CRYBG1: variants seen among roughly 807,000 people sequenced by gnomAD.
CRYBG1 encodes the protein beta/gamma crystallin domain-containing protein 1.
Under a neutral mutation model 189.2 loss-of-function variants are expected in CRYBG1, and 139 were observed. The observed-to-expected ratio is 0.73, with a 90% confidence interval of 0.64 to 0.85. The LOEUF is 0.85. Among genes scored for constraint, CRYBG1 ranks in the 40% least tolerant of loss-of-function variants. CRYBG1 has a pLI of 0.00. For missense variants in CRYBG1, 2,611 were observed against 2,675.8 expected (o/e 0.98, Z 0.53); for synonymous variants, 1,023 against 1,017.1 (o/e 1.01, Z -0.11).
chr6:106,451,661 G>A (rs530307268), intron 1 of CRYBG1, 33 bp from the exon 2 acceptor site: 1 of 1,517,872 alleles, frequency 6.6e-7, no homozygotes, highest in South Asian at 1.2e-5. Flanking sequence ...TGTTCATAGT[G>A]TATTGACATG....
chr6:106,404,364 G>A (rs910689), intron 1 of CRYBG1, among the ~76,000 whole-genome samples: 7,489 of 152,228 alleles, frequency 0.049, 631 homozygotes, highest in African/African-American at 0.17. Flanking sequence ...AAACATTTCT[G>A]TGCTGGAATT....
At chr6:106,566,464 C>CTTTTTTTTTTTTTTTTTTTTT (rs34773477) in intron 21 of CRYBG1, among the ~76,000 whole-genome samples, 1 of 71,670 alleles carries the variant, frequency 1.4e-5, no homozygotes, top group Non-Finnish European at 2.3e-5. Flanking sequence ...CAACAACAGT[C>CTTTTTTTTTTTTTTTTTTTTT]TTTTTTTTTT....
chr6:106,441,862 G>T (rs969959811), intron 1 of CRYBG1, among the ~76,000 whole-genome samples: 1 of 152,032 alleles, frequency 6.6e-6, no homozygotes, highest in South Asian at 2.1e-4. Flanking sequence ...ACCTCCATAA[G>T]AATTATTTTG....
At chr6:106,438,242 T>C (rs1312828841) in intron 1 of CRYBG1, among the ~76,000 whole-genome samples, 1 of 152,228 alleles carries the variant, frequency 6.6e-6, no homozygotes, top group African/African-American at 2.4e-5. Context: ...ATGCCAGAAA[T>C]ACCTGTTATT....
intron 2 of CRYBG1, among the ~76,000 whole-genome samples, chr6:106,458,267 A>G (rs79180343): frequency 0.011 from 1,617 of 152,324 alleles, 27 homozygotes; most frequent in African/African-American, 0.037. Context: ...TGTTGTTTCC[A>G]AGTTACCTTA....
intron 21 of CRYBG1, among the ~76,000 whole-genome samples, chr6:106,564,370 T>G (rs1416311643): frequency 6.6e-6 from 1 of 152,242 alleles, no homozygotes; most frequent in Non-Finnish European, 1.5e-5. Flanking sequence ...ATGATTCTCA[T>G]GTATACACGT....
intron 21 of CRYBG1, among the ~76,000 whole-genome samples, chr6:106,565,935 A>G (rs544822946): frequency 2.0e-5 from 3 of 152,354 alleles, no homozygotes; most frequent in African/African-American, 7.2e-5. Context: ...ATGTGACTCA[A>G]TTGGAAAAAA....
At chr6:106,555,331 T>G (rs1362312805) in intron 16 of CRYBG1, among the ~76,000 whole-genome samples, 1 of 151,892 alleles carries the variant, frequency 6.6e-6, no homozygotes, top group Non-Finnish European at 1.5e-5. Context: ...GCAGAGGTAT[T>G]AGAAATGAGG....
intron 1 of CRYBG1, among the ~76,000 whole-genome samples, chr6:106,362,215 C>T (rs544654573): frequency 5.9e-4 from 89 of 151,894 alleles, no homozygotes; most frequent in African/African-American, 2.1e-3. Flanking sequence ...ATGATCCGCC[C>T]GCCTCGGCCT....
At chr6:106,488,735 G>A (rs1002229607) in intron 2 of CRYBG1, among the ~76,000 whole-genome samples, 12 of 152,222 alleles carry the variant, frequency 7.9e-5, no homozygotes, top group Non-Finnish European at 7.3e-5. Context: ...GGGTGATAAG[G>A]TGCCTCATGA....
intron 17 of CRYBG1, 55 bp downstream of exon 17, chr6:106,555,952 G>C: frequency 1.2e-6 from 2 of 1,603,688 alleles, no homozygotes; most frequent in South Asian, 2.2e-5. Context: ...TATAGCTGAT[G>C]GTCAGAGTGA....
intron 4 of CRYBG1, 52 bp downstream of exon 4, chr6:106,521,505 G>T: frequency 6.7e-7 from 1 of 1,496,428 alleles, no homozygotes. Flanking sequence ...AGCAAGGGAA[G>T]AGAAGGATGA....
At chr6:106,517,397 TATATACAC>T (rs1381364847) in intron 3 of CRYBG1, among the ~76,000 whole-genome samples, 3 of 128,302 alleles carry the variant, frequency 2.3e-5, no homozygotes, top group African/African-American at 8.8e-5. Context: ...CACATATATA[TATATACAC>T]ACACACATAT....
intron 3 of CRYBG1, 122 bp from the exon 4 acceptor site, chr6:106,519,005 ACACC>A: frequency 9.9e-7 from 1 of 1,014,562 alleles, no homozygotes; most frequent in Non-Finnish European, 1.4e-6. Flanking sequence ...ACACACACAC[ACACC>A]ACACTCCAAA....
At chr6:106,453,649 C>T (rs1771826822) in intron 2 of CRYBG1, among the ~76,000 whole-genome samples, 1 of 152,180 alleles carries the variant, frequency 6.6e-6, no homozygotes, top group Non-Finnish European at 1.5e-5. Context: ...ATTACATATC[C>T]TATAATGTCT....
chr6:106,478,771 C>G (rs904608098), intron 2 of CRYBG1, among the ~76,000 whole-genome samples: 2 of 152,140 alleles, frequency 1.3e-5, no homozygotes, highest in Non-Finnish European at 2.9e-5. Flanking sequence ...GCATTACCAC[C>G]GGAGCTCCAC....
intron 1 of CRYBG1, among the ~76,000 whole-genome samples, chr6:106,437,647 G>A (rs984357227): frequency 6.6e-6 from 1 of 152,142 alleles, no homozygotes; most frequent in Non-Finnish European, 1.5e-5. Flanking sequence ...ATGTTGCCCA[G>A]GCCGGTTTTG....
intron 8 of CRYBG1, among the ~76,000 whole-genome samples, chr6:106,532,762 C>A (rs917446643): frequency 6.6e-6 from 1 of 152,074 alleles, no homozygotes; most frequent in Admixed American, 6.5e-5. Flanking sequence ...TTTGGTACCC[C>A]GTAGTCCTTG....
chr6:106,544,236 A>G (rs1468338923), intron 11 of CRYBG1, among the ~76,000 whole-genome samples: 1 of 152,178 alleles, frequency 6.6e-6, no homozygotes, highest in Non-Finnish European at 1.5e-5. Flanking sequence ...ATCGCTAACT[A>G]TTCATAATAT....
Sources: gnomAD v4.1 joint callset for allele counts (sites outside exome capture counted in the v4.1 genomes callset) on GRCh38, gnomAD v4.1.1 for gene constraint, MANE v1.5 for transcripts, NCBI Gene and HGNC (gene_info 2026-07-23, HGNC 2026-07-21) for gene names.